The following ZNF286A variants were observed in gnomAD, a reference collection of about 807,000 sequenced individuals.
ZNF286A encodes zinc finger protein ZNF286.
A neutral mutation model predicts 49.3 loss-of-function variants in ZNF286A; 34 were observed. The ratio of observed to expected loss-of-function variants is 0.69; its 90% CI spans 0.52 to 0.92. ZNF286A has a LOEUF of 0.92. ZNF286A is among the 40% of genes least tolerant of loss of function. ZNF286A has a pLI of 0.00. For missense variants in ZNF286A, 462 were observed against 600.2 expected (o/e 0.77, Z 2.41); for synonymous variants, 155 against 200.4 (o/e 0.77, Z 1.91).
chr17:15,704,397 C>T (rs1597708920), intron 3 of ZNF286A: 5 of 1,606,638 alleles, frequency 3.1e-6, no homozygotes, highest in Non-Finnish European at 1.7e-6. Flanking sequence ...CCAGGGCCCG[C>T]CCGGCTTCGG....
intron 5 of ZNF286A, among the ~76,000 whole-genome samples, chr17:15,713,322 T>A (rs552705590): frequency 7.2e-5 from 11 of 152,380 alleles, no homozygotes; most frequent in African/African-American, 2.6e-4. Flanking sequence ...CAAAAAATGT[T>A]ATTAAGAAGT....
intron 5 of ZNF286A, among the ~76,000 whole-genome samples, chr17:15,711,860 GCC>G (rs1195215778): frequency 9.7e-6 from 1 of 103,390 alleles, no homozygotes; most frequent in African/African-American, 3.9e-5. Flanking sequence ...TCTGTAATCT[GCC>G]CCCCCCCCGG....
chr17:15,711,296 A>G (rs1250503680), intron 5 of ZNF286A: 1 of 152,004 alleles, frequency 6.6e-6, no homozygotes, highest in African/African-American at 2.4e-5. Flanking sequence ...GGTTACATAT[A>G]TATTTGCCTC....
intron 3 of ZNF286A, among the ~76,000 whole-genome samples, chr17:15,702,465 A>G (rs1597704302): frequency 1.3e-5 from 2 of 151,626 alleles, no homozygotes; most frequent in East Asian, 3.9e-4. Flanking sequence ...CAGTGAGCCC[A>G]GATAGGGCTA....
intron 3 of ZNF286A, chr17:15,704,451 C>G: frequency 3.1e-6 from 5 of 1,611,294 alleles, no homozygotes; most frequent in Non-Finnish European, 4.2e-6. Context: ...TCTCTGTGAG[C>G]AGACGGGCCC....
chr17:15,710,934 C>T (rs1461933749), intron 5 of ZNF286A, among the ~76,000 whole-genome samples: 4 of 144,970 alleles, frequency 2.8e-5, no homozygotes, highest in South Asian at 4.4e-4. Context: ...TTTTTTTTGA[C>T]GGAGTCTTGC....
chr17:15,708,386 A>G, intron 5 of ZNF286A, 139 bp downstream of exon 5: 1 of 512,920 alleles, frequency 1.9e-6, no homozygotes. Flanking sequence ...AAATATATAC[A>G]GAAGTCCAGA....
Position 15,717,203 on chromosome 17 carries a change from C to CT in ZNF286A, c.1482dup (p.Arg495Ter). The CT allele has an allele frequency of 3.7e-6, 6 of 1,607,518 alleles. No individual in the cohort carries two copies. Among genetic ancestry groups the CT allele is most frequent in the Non-Finnish European group, 5.1e-6 (6 of 1,176,928 alleles). On this transcript the variant is annotated frameshift_variant, in exon 6 of 6. Coordinates refer to ENST00000583566, the MANE Select transcript of ZNF286A (RefSeq NM_001130842.2). LOFTEE classifies it high-confidence loss of function. Reference sequence around the variant, plus strand: ...AGAGAACTCATACCGGAGAGAAACCCTTTAGATGTAATGAGTGTGGGAAAA... The same window carrying CT: ...AGAGAACTCATACCGGAGAGAAACCCTTTTAGATGTAATGAGTGTGGGAAAA...
In ZNF286A at chr17:15,719,919, A is replaced by C. The variant is rs1967289710; in HGVS notation, c.*2629A>C. On this transcript the variant is annotated 3_prime_UTR_variant, in exon 6 of 6. Coordinates refer to ENST00000583566, the MANE Select transcript of ZNF286A (RefSeq NM_001130842.2). ...AAGAGATGGGAAATGCTGCATCAAA[A>C]TACTCCTACCTCTAGGATGTTACTA... 2 of 152,244 alleles carry C rather than the reference A, an allele frequency of 1.3e-5. No individual in the cohort carries two copies. The highest frequency in any genetic ancestry group is 4.1e-4 in the South Asian group (2 of 4,826). The allele number at this position is 152,244 out of a possible 1,614,324, so 9.4% of individuals were successfully genotyped here.
At chr17:15,709,796 G>A in intron 5 of ZNF286A, 1 of 1,530,518 alleles carries the variant, frequency 6.5e-7, no homozygotes. Context: ...AAACTGAACA[G>A]TTTATTTTTT....
In ZNF286A at chr17:15,719,526, G is replaced by A. The variant is rs1597742590; in HGVS notation, c.*2236G>A. On this transcript the variant is annotated 3_prime_UTR_variant, in exon 6 of 6. Transcript: ENST00000583566. Reference sequence around the variant, plus strand: ...GGGTCTAGGGAAGGTCTGCTTCTTGGTTAATAGAAAGCACCTTTCACTGTG... The same window carrying A: ...GGGTCTAGGGAAGGTCTGCTTCTTGATTAATAGAAAGCACCTTTCACTGTG... The A allele has an allele frequency of 6.6e-6, 1 of 151,652 alleles. No individual in the cohort carries two copies. Among genetic ancestry groups the A allele is most frequent in the Admixed American group, 6.6e-5 (1 of 15,220 alleles). The allele number at this position is 151,652 out of a possible 1,614,324, so 9.4% of individuals were successfully genotyped here. A position where few individuals can be genotyped will look rare whatever the true frequency, so the allele number is the denominator to read the frequency against.
In ZNF286A at chr17:15,701,121, G is replaced by C. The variant is rs771355480; in HGVS notation, c.38-31G>C. On this transcript the variant is annotated intron_variant, in intron 2 of 5. Coordinates refer to ENST00000583566, the MANE Select transcript of ZNF286A (RefSeq NM_001130842.2). The stretch of plus-strand genomic sequence containing the variant: ...AAATCTGAGTGGCACGTTAAGCCTA[G>C]GTCTCATCATTACTGCTTTCTTGTC... 4 of 1,611,034 alleles carry C rather than the reference G, an allele frequency of 2.5e-6. No individual in the cohort carries two copies. In the South Asian group the frequency reaches 4.4e-5, roughly 18 times the overall value.
At chr17:15,712,734 T>G (rs1256124058) in intron 5 of ZNF286A, among the ~76,000 whole-genome samples, 4 of 152,194 alleles carry the variant, frequency 2.6e-5, no homozygotes, top group Non-Finnish European at 1.5e-5. Flanking sequence ...CCTCATATAC[T>G]TCATTCTCAA....
chr17:15,717,420 T>C lies in ZNF286A; in HGVS notation c.*130T>C, dbSNP rs1967124748. The C allele has an allele frequency of 7.0e-7, 1 of 1,433,200 alleles. No homozygotes were observed. The highest frequency in any genetic ancestry group is 2.6e-5 in the Admixed American group (1 of 38,042). 88.8% of individuals were successfully genotyped at this position (1,433,200 alleles called of 1,614,324 possible). A position where few individuals can be genotyped will look rare whatever the true frequency, so the allele number is the denominator to read the frequency against. Reference sequence around the variant, plus strand: ...CTGTATGCATCTAATTTCATTTGCGTAATACATAGTTTTGAGCCATAAGCA... The same window carrying C: ...CTGTATGCATCTAATTTCATTTGCGCAATACATAGTTTTGAGCCATAAGCA... On this transcript the variant is annotated 3_prime_UTR_variant, in exon 6 of 6. Coordinates refer to ENST00000583566, the MANE Select transcript of ZNF286A (RefSeq NM_001130842.2).
rs1194744469 is a variant in ZNF286A at position 15,717,513 on chromosome 17, A to G, written c.*223A>G. The G allele has an allele frequency of 1.2e-5, 9 of 736,848 alleles. No homozygotes were observed. The highest frequency in any genetic ancestry group is 1.8e-5 in the Non-Finnish European group (9 of 486,868). The allele number at this position is 736,848 out of a possible 1,614,324, so 45.6% of individuals were successfully genotyped here. ...AGCGATTTCAAAATTTTAATCTCCA[A>G]CGTCCCAAATAGCTATCTGTGGAAA... On this transcript the variant is annotated 3_prime_UTR_variant, in exon 6 of 6. Coordinates refer to ENST00000583566, the MANE Select transcript of ZNF286A (RefSeq NM_001130842.2).
chr17:15,712,589 C>A (rs1446907803), intron 5 of ZNF286A, among the ~76,000 whole-genome samples: 2 of 152,184 alleles, frequency 1.3e-5, no homozygotes, highest in Non-Finnish European at 2.9e-5. Context: ...CTTTACATCA[C>A]CCCCTCTCTC....
At chr17:15,705,022 C>G (rs563177007) in intron 3 of ZNF286A, 2 of 583,402 alleles carry the variant, frequency 3.4e-6, no homozygotes, top group Admixed American at 8.8e-5. Flanking sequence ...GGCCCCGCTC[C>G]GCTCCCCGCT....
At chr17:15,706,243 C>T in intron 3 of ZNF286A, 144 bp from the exon 4 acceptor site, 9 of 632,598 alleles carry the variant, frequency 1.4e-5, no homozygotes, top group Admixed American at 8.0e-5. Flanking sequence ...CCGAATCTGA[C>T]GACCATTAGA....
At chr17:15,705,380 C>A (rs1222812251) in intron 3 of ZNF286A, among the ~76,000 whole-genome samples, 1 of 150,884 alleles carries the variant, frequency 6.6e-6, no homozygotes, top group Non-Finnish European at 1.5e-5. Flanking sequence ...TTCTCTTTTC[C>A]TTTGTTTTTT....
Sources: allele counts gnomAD v4.1 joint callset (sites outside exome capture counted in the v4.1 genomes callset), GRCh38; gene constraint gnomAD v4.1.1; transcripts MANE v1.5; gene names NCBI Gene and HGNC (gene_info 2026-07-23, HGNC 2026-07-21).